The following NIBAN2 variants were observed in gnomAD, a reference collection of about 807,000 sequenced individuals.
NIBAN2 encodes protein Niban 2.
Under a neutral mutation model 81.8 loss-of-function variants are expected in NIBAN2, and 36 were observed. The ratio of observed to expected loss-of-function variants is 0.44; its 90% CI spans 0.34 to 0.58. The LOEUF (loss-of-function observed/expected upper bound fraction) is 0.58, where lower values mean the gene tolerates loss of function less well. Among genes scored for constraint, NIBAN2 ranks in the 20% least tolerant of loss-of-function variants. The pLI, the probability that NIBAN2 is intolerant of heterozygous loss-of-function variation, is 0.02. For missense variants in NIBAN2, 897 were observed against 1,014.1 expected, an observed-to-expected ratio of 0.88 and a Z score of 1.57; for synonymous variants, 445 against 441.6, an observed-to-expected ratio of 1.01 and a Z score of -0.10.
Position 127,508,852 on chromosome 9 carries a change from G to T in NIBAN2, c.1317+124C>A, listed in dbSNP as rs1836669838. 9.1e-7 allele frequency: 1 copy of T among 1,097,090 alleles called. No homozygotes were observed. Among genetic ancestry groups the T allele is most frequent in the Non-Finnish European group, 1.4e-6 (1 of 735,536 alleles). 68.0% of individuals were successfully genotyped at this position (1,097,090 alleles called of 1,614,324 possible). A position where few individuals can be genotyped will look rare whatever the true frequency, so the allele number is the denominator to read the frequency against. On this transcript the variant is annotated intron_variant, in intron 10 of 13. Transcript: ENST00000373312. This position sits in a 1 kb window ranked among gnomAD's most constrained non-coding sequence, Gnocchi z 6.4. Reference sequence around the variant, plus strand: ...CACAGATGTTCCAAGCAGAGGAGGAGAGAGCGTGCCAGGCAAGCGTGGCTA... The same window carrying T: ...CACAGATGTTCCAAGCAGAGGAGGATAGAGCGTGCCAGGCAAGCGTGGCTA...
At chr9:127,558,487 T>C (rs184270008) in intron 1 of NIBAN2, among the ~76,000 whole-genome samples, 142 of 152,222 alleles carry the variant, frequency 9.3e-4, no homozygotes, top group Middle Eastern at 6.8e-3. Context: ...AAGGAGGGGA[T>C]TGGTTAGAGG....
At chr9:127,567,293 C>A (rs1404860776) in intron 1 of NIBAN2, among the ~76,000 whole-genome samples, 1 of 152,176 alleles carries the variant, frequency 6.6e-6, no homozygotes, top group African/African-American at 2.4e-5. Flanking sequence ...TGTTACAGAG[C>A]CCCAGGAGCT....
Position 127,506,791 on chromosome 9 carries a change from T to G in NIBAN2, c.*54A>C, listed in dbSNP as rs1393324461. ...TGCCCTCCCCAGAGCTGAGCCTGCC[T>G]GGGTCCGGAAGGGAACGGCCTGTGC... On this transcript the variant is annotated 3_prime_UTR_variant, in exon 14 of 14. Transcript: ENST00000373312. The G allele has an allele frequency of 6.7e-7, 1 of 1,489,786 alleles. No individual in the cohort carries two copies. The highest frequency in any genetic ancestry group is 9.1e-7 in the Non-Finnish European group (1 of 1,103,178). The allele number at this position is 1,489,786 out of a possible 1,614,324, so 92.3% of individuals were successfully genotyped here.
intron 3 of NIBAN2, 72 bp from the exon 4 acceptor site, chr9:127,525,235 G>A (rs1198909336): frequency 1.7e-6 from 2 of 1,153,932 alleles, no homozygotes; most frequent in East Asian, 2.3e-5. Flanking sequence ...TGGCTTCAAG[G>A]CCCTACTCAG....
upstream of NIBAN2, among the ~76,000 whole-genome samples, chr9:127,571,989 C>A (rs1837955548): frequency 2.0e-5 from 3 of 152,134 alleles, no homozygotes; most frequent in African/African-American, 7.2e-5. Context: ...ACAGATGCAT[C>A]AAACGGATGC....
chr9:127,555,585 G>A (rs1837652858), intron 1 of NIBAN2, among the ~76,000 whole-genome samples: 1 of 152,212 alleles, frequency 6.6e-6, no homozygotes, highest in South Asian at 2.1e-4. Flanking sequence ...GCCAAGGCAG[G>A]AGGGTCACGT....
intron 5 of NIBAN2, among the ~76,000 whole-genome samples, chr9:127,519,240 C>T (rs1411925476): frequency 1.3e-5 from 2 of 150,548 alleles, no homozygotes; most frequent in Non-Finnish European, 3.0e-5. Flanking sequence ...TAGAAGAACA[C>T]CATTTCTGAA....
intron 9 of NIBAN2, among the ~76,000 whole-genome samples, chr9:127,509,419 G>A (rs1836685353): frequency 6.6e-6 from 1 of 152,056 alleles, no homozygotes; most frequent in Non-Finnish European, 1.5e-5. Context: ...GGTGACCTTG[G>A]GCAAGTCATT....
chr9:127,521,202 G>A (rs1367279203), intron 5 of NIBAN2, among the ~76,000 whole-genome samples: 102 of 152,336 alleles, frequency 6.7e-4, no homozygotes, highest in Non-Finnish European at 4.4e-5. Context: ...AGCTCACTGT[G>A]CCCTACTTTT....
intron 1 of NIBAN2, among the ~76,000 whole-genome samples, chr9:127,551,987 G>A (rs1053993066): frequency 1.3e-5 from 2 of 152,178 alleles, no homozygotes; most frequent in African/African-American, 4.8e-5. Context: ...CAGGTCACCA[G>A]CTGCAGGTGT....
upstream of NIBAN2, among the ~76,000 whole-genome samples, chr9:127,571,177 C>G (rs1356952262): frequency 3.3e-5 from 5 of 151,114 alleles, no homozygotes; most frequent in Middle Eastern, 3.4e-3. Context: ...CGTGGCACAC[C>G]CAAGCCTGGA....
At chr9:127,520,996 C>T (rs768874201) in intron 5 of NIBAN2, among the ~76,000 whole-genome samples, 12 of 152,132 alleles carry the variant, frequency 7.9e-5, no homozygotes, top group Non-Finnish European at 1.2e-4. Flanking sequence ...AGAAGGCGGC[C>T]GGCCACCAGC....
intron 2 of NIBAN2, among the ~76,000 whole-genome samples, chr9:127,529,289 T>C (rs1837134857): frequency 6.6e-6 from 1 of 152,208 alleles, no homozygotes; most frequent in Non-Finnish European, 1.5e-5. Context: ...GGCATCATCA[T>C]AGCCCCTCCC....
At chr9:127,570,282 T>TAAAGTGATGCAGG (rs1837931837), upstream of NIBAN2, among the ~76,000 whole-genome samples, 2 of 152,224 alleles carry the variant, frequency 1.3e-5, no homozygotes, top group South Asian at 4.1e-4. Context: ...TGAAATGGAT[T>TAAAGTGATGCAGG]AAAGTGATGC....
intron 1 of NIBAN2, chr9:127,578,772 C>T: frequency 1.5e-6 from 1 of 668,228 alleles, no homozygotes; most frequent in Non-Finnish European, 2.5e-6. Context: ...AGTGAGGATC[C>T]CTTGAGCCCA....
chr9:127,508,964 C>A lies in NIBAN2; in HGVS notation c.1317+12G>T. ...ACAGGGTGTGGGGTGGGGGTCGTAG[C>A]CTCGGGTCTACCTCCCGCATGTGGA... On this transcript the variant is annotated intron_variant, in intron 10 of 13. Transcript: ENST00000373312. This position sits in a 1 kb window ranked among gnomAD's most constrained non-coding sequence, Gnocchi z 6.4. 6.2e-7 allele frequency: 1 copy of A among 1,613,350 alleles called. No homozygotes were observed. Among genetic ancestry groups the A allele is most frequent in the Non-Finnish European group, 8.5e-7 (1 of 1,179,898 alleles).
intron 1 of NIBAN2, among the ~76,000 whole-genome samples, chr9:127,566,306 C>G (rs1359298158): frequency 1.3e-5 from 2 of 152,100 alleles, no homozygotes; most frequent in African/African-American, 4.8e-5. Context: ...GAAACTGAGA[C>G]CCAGGGAGAG....
chr9:127,511,438 A>T (rs1836734179), intron 8 of NIBAN2, among the ~76,000 whole-genome samples: 1 of 151,880 alleles, frequency 6.6e-6, no homozygotes, highest in Admixed American at 6.6e-5. Flanking sequence ...GGCTCAAGTG[A>T]TCCTCCTGCC....
rs528232850 is a variant in NIBAN2 at position 127,563,389 on chromosome 9, G to C, written c.55+5431C>G. ...CGGCCCAGGCCCAGGCACTGCTTCC[G>C]GCCAGCCTGGTCTCTCTGCAAAGTC... On this transcript the variant is annotated intron_variant, in intron 1 of 13. Transcript: ENST00000373312. This position sits in a 1 kb window ranked among gnomAD's most constrained non-coding sequence, Gnocchi z 4.1. Among the ~76,000 whole-genome samples the C allele has an allele frequency of 6.6e-6, 1 of 152,252 alleles. No individual in the cohort carries two copies. Among genetic ancestry groups the C allele is most frequent in the Non-Finnish European group, 1.5e-5 (1 of 68,040 alleles).
Sources: gnomAD v4.1 joint callset for allele counts (sites outside exome capture counted in the v4.1 genomes callset) on GRCh38, gnomAD v4.1.1 for gene constraint, Gnocchi (gnomAD v3.1) non-coding constraint, MANE v1.5 for transcripts, NCBI Gene and HGNC (gene_info 2026-07-23, HGNC 2026-07-21) for gene names.